VPS35L: variants seen among roughly 807,000 people sequenced by gnomAD.
VPS35L encodes VPS35 endosomal protein sorting factor like, also known as VPS35 endosomal protein-sorting factor-like.
A neutral mutation model predicts 133.0 loss-of-function variants in VPS35L; 83 were observed. The ratio of observed to expected loss-of-function variants is 0.62; its 90% CI spans 0.52 to 0.75. VPS35L has a LOEUF of 0.75. Among genes scored for constraint, VPS35L ranks in the 30% least tolerant of loss-of-function variants. The pLI, the probability that VPS35L is intolerant of heterozygous loss-of-function variation, is 0.00. For synonymous variants in VPS35L, 423 were observed against 449.9 expected, an observed-to-expected ratio of 0.94 and a Z score of 0.76; for missense variants, 1,083 against 1,206.8, an observed-to-expected ratio of 0.90 and a Z score of 1.52.
At chr16:19,645,076 T>C (rs1973897873) in intron 23 of VPS35L, 127 bp downstream of exon 23, 5 of 607,794 alleles carry the variant, frequency 8.2e-6, no homozygotes, top group Middle Eastern at 2.7e-4. Context: ...AAAATGAAAT[T>C]AGAAAACATC....
intron 27 of VPS35L, among the ~76,000 whole-genome samples, chr16:19,681,860 T>C (rs1280543800): frequency 7.1e-6 from 1 of 140,694 alleles, no homozygotes; most frequent in African/African-American, 2.9e-5. Flanking sequence ...ATCCTGCTTT[T>C]GTGGTTGGAA....
intron 19 of VPS35L, among the ~76,000 whole-genome samples, chr16:19,637,248 C>T (rs1201404974): frequency 1.3e-5 from 2 of 152,194 alleles, no homozygotes; most frequent in African/African-American, 4.8e-5. Context: ...AAGGCGGGCA[C>T]TGCACTCAGG....
intron 5 of VPS35L, among the ~76,000 whole-genome samples, chr16:19,577,437 C>T (rs918838998): frequency 2.0e-5 from 3 of 152,164 alleles, no homozygotes; most frequent in Non-Finnish European, 2.9e-5. Flanking sequence ...ACAACCCAGA[C>T]ACCTCCCACC....
chr16:19,658,706 C>T (rs140819707), intron 26 of VPS35L, among the ~76,000 whole-genome samples: 12 of 151,354 alleles, frequency 7.9e-5, no homozygotes, highest in African/African-American at 2.9e-4. Context: ...AAAGAGGTGG[C>T]ATTGAAGAGC....
At chr16:19,588,158 A>AGTATGTATGTAT (rs71146263) in intron 7 of VPS35L, among the ~76,000 whole-genome samples, 6,676 of 147,524 alleles carry the variant, frequency 0.045, 158 homozygotes, top group Non-Finnish European at 0.053. Flanking sequence ...GGGTAATATA[A>AGTATGTATGTAT]GTATGTATGT....
chr16:19,616,636 T>G (rs754269692), intron 13 of VPS35L, 50 bp from the exon 14 acceptor site: 1 of 1,593,212 alleles, frequency 6.3e-7, no homozygotes, highest in Non-Finnish European at 8.6e-7. Flanking sequence ...GTTTTGTTTG[T>G]TGTTTGGTTT....
chr16:19,646,407 A>G (rs1205186139), intron 23 of VPS35L, among the ~76,000 whole-genome samples: 1 of 152,102 alleles, frequency 6.6e-6, no homozygotes, highest in African/African-American at 2.4e-5. Context: ...GGTGGCTCAC[A>G]TCTGTAATCC....
At chr16:19,680,493 C>CT (rs1975233777) in intron 27 of VPS35L, among the ~76,000 whole-genome samples, 1 of 152,160 alleles carries the variant, frequency 6.6e-6, no homozygotes, top group Non-Finnish European at 1.5e-5. Flanking sequence ...GATGAAGTGC[C>CT]TGTCCTCCTG....
intron 8 of VPS35L, among the ~76,000 whole-genome samples, chr16:19,600,647 A>G (rs1175807423): frequency 6.6e-6 from 1 of 152,230 alleles, no homozygotes; most frequent in South Asian, 2.1e-4. Flanking sequence ...CAAAACAAGC[A>G]CAAATCTCTG....
intron 25 of VPS35L, 114 bp from the exon 26 acceptor site, chr16:19,651,862 G>A (rs1296917021): frequency 3.4e-5 from 27 of 783,902 alleles, no homozygotes; most frequent in Non-Finnish European, 5.1e-5. Flanking sequence ...GGCTCAGAAT[G>A]TGGAGATTCA....
chr16:19,673,343 C>T (rs1431964794), intron 27 of VPS35L, among the ~76,000 whole-genome samples: 3 of 152,178 alleles, frequency 2.0e-5, no homozygotes, highest in Non-Finnish European at 4.4e-5. Context: ...GGTCCTATCA[C>T]GTGGGGCCCG....
intron 27 of VPS35L, among the ~76,000 whole-genome samples, chr16:19,674,184 C>CTTTTTCTTTTTTTTTTTTTTTTTTTTTTT (rs1555507022): frequency 1.4e-5 from 1 of 70,908 alleles, no homozygotes; most frequent in African/African-American, 6.2e-5. Context: ...TTTTCTTTTT[C>CTTTTTCTTTTTTTTTTTTTTTTTTTTTTT]TTTTTTTTTT....
At chr16:19,627,664 C>G in intron 15 of VPS35L, 30 bp from the exon 16 acceptor site, 1 of 1,526,266 alleles carries the variant, frequency 6.6e-7, no homozygotes. Flanking sequence ...GAGGAGAAGC[C>G]AGGCTGACTT....
chr16:19,645,320 C>T (rs1390993221), intron 23 of VPS35L, among the ~76,000 whole-genome samples: 3 of 147,330 alleles, frequency 2.0e-5, no homozygotes, highest in Non-Finnish European at 4.5e-5. Flanking sequence ...GATGGAGTCT[C>T]GCTCTGTCGC....
At chr16:19,614,047 G>A (rs1012967848) in intron 12 of VPS35L, among the ~76,000 whole-genome samples, 1 of 151,392 alleles carries the variant, frequency 6.6e-6, no homozygotes, top group Non-Finnish European at 1.5e-5. Context: ...GGGGGAGCTT[G>A]AAGCTGTTAT....
At position 19,557,916 on chromosome 16, in the gene VPS35L, C is replaced by T. The variant is rs149853442; in HGVS notation, c.17+2170C>T. Among the ~76,000 whole-genome samples the T allele has an allele frequency of 2.6e-4, 39 of 152,054 alleles. No individual in the cohort carries two copies. In the East Asian group the frequency reaches 4.9e-3, roughly 19 times the overall value. On this transcript the variant is annotated intron_variant, in intron 1 of 30. Coordinates refer to ENST00000417362, the MANE Select transcript of VPS35L (RefSeq NM_020314.7). ...AAATACAAAAAGTAGCCAGGCATGACGGCAGGTTCCTGTAATCCCAGCTAC... is the reference window on the plus strand; with the variant it reads ...AAATACAAAAAGTAGCCAGGCATGATGGCAGGTTCCTGTAATCCCAGCTAC...
At chr16:19,640,939 G>A (rs1973767947) in intron 21 of VPS35L, among the ~76,000 whole-genome samples, 1 of 152,128 alleles carries the variant, frequency 6.6e-6, no homozygotes, top group African/African-American at 2.4e-5. Flanking sequence ...GTAGAGATGA[G>A]GTCTCTCTAT....
At chr16:19,596,355 G>T (rs972573909) in intron 8 of VPS35L, among the ~76,000 whole-genome samples, 1 of 151,594 alleles carries the variant, frequency 6.6e-6, no homozygotes, top group Non-Finnish European at 1.5e-5. Context: ...GCTCACTGCA[G>T]CCTTGATCTC....
intron 26 of VPS35L, among the ~76,000 whole-genome samples, chr16:19,659,126 G>A (rs13336298): frequency 0.11 from 17,406 of 152,112 alleles, 1,454 homozygotes; most frequent in East Asian, 0.22. Context: ...GATAAACTAG[G>A]AAACAAAGAA....
Sources: gnomAD v4.1 joint callset for allele counts (sites outside exome capture counted in the v4.1 genomes callset) on GRCh38, gnomAD v4.1.1 for gene constraint, MANE v1.5 for transcripts, NCBI Gene and HGNC (gene_info 2026-07-23, HGNC 2026-07-21) for gene names.